Variants in STPG2 observed in about 807,000 individuals in gnomAD.
The protein encoded by STPG2 is sperm tail PG-rich repeat containing 2.
A neutral mutation model predicts 54.2 loss-of-function variants in STPG2; 56 were observed. That is an observed-to-expected ratio of 1.03 (90% CI 0.83 to 1.29). The LOEUF is 1.29. Ranked by LOEUF, STPG2 falls within the 50% of genes most tolerant of loss-of-function variation. STPG2 has a pLI of 0.00. For synonymous variants in STPG2, 200 were observed against 181.8 expected (o/e 1.10, Z -0.81); for missense variants, 596 against 544.9 (o/e 1.09, Z -0.93).
intron 8 of STPG2, among the ~76,000 whole-genome samples, chr4:97,919,624 A>G (rs560826094): frequency 5.9e-5 from 9 of 152,216 alleles, no homozygotes; most frequent in Middle Eastern, 3.4e-3. Context: ...TAGACAAAAG[A>G]AGAAATAGTT....
chr4:97,624,912 T>C (rs1278379558), intron 10 of STPG2, among the ~76,000 whole-genome samples: 1 of 152,148 alleles, frequency 6.6e-6, no homozygotes, highest in African/African-American at 2.4e-5. Context: ...GTCAGATTTG[T>C]CAAAGATCAG....
chr4:97,535,796 A>C (rs2148856604), intron 4 of STPG2, among the ~76,000 whole-genome samples: 1 of 152,134 alleles, frequency 6.6e-6, no homozygotes, highest in South Asian at 2.1e-4. Flanking sequence ...AGAAATTTTC[A>C]GTTTATTTAT....
intron 8 of STPG2, among the ~76,000 whole-genome samples, chr4:97,910,017 T>C (rs1731617951): frequency 6.6e-6 from 1 of 152,192 alleles, no homozygotes; most frequent in Admixed American, 6.5e-5. Flanking sequence ...TATGTAAATA[T>C]TCTGAAGTAA....
At chr4:97,846,590 AC>A (rs746771317) in intron 8 of STPG2, among the ~76,000 whole-genome samples, 22 of 141,238 alleles carry the variant, frequency 1.6e-4, no homozygotes, top group Non-Finnish European at 2.1e-4. Context: ...GTGCCACTGC[AC>A]TCCAGACTGG....
intron 4 of STPG2, among the ~76,000 whole-genome samples, chr4:97,521,094 T>C (rs189875459): frequency 3.9e-5 from 6 of 152,058 alleles, no homozygotes; most frequent in Non-Finnish European, 7.4e-5. Context: ...CTCCACTGTT[T>C]GTTACTATTG....
chr4:98,053,929 C>T (rs1056301152), intron 5 of STPG2, among the ~76,000 whole-genome samples: 1 of 151,948 alleles, frequency 6.6e-6, no homozygotes, highest in Non-Finnish European at 1.5e-5. Flanking sequence ...TTAAATTAGT[C>T]CTGAATTTTG....
At chr4:97,766,807 C>T (rs541517658) in intron 9 of STPG2, among the ~76,000 whole-genome samples, 3 of 152,076 alleles carry the variant, frequency 2.0e-5, no homozygotes, top group East Asian at 3.9e-4. Context: ...TGGCTGCCAG[C>T]ATCTGTTTCC....
intron 8 of STPG2, among the ~76,000 whole-genome samples, chr4:97,894,031 C>T (rs897510202): frequency 6.6e-6 from 1 of 151,804 alleles, no homozygotes; most frequent in Non-Finnish European, 1.5e-5. Context: ...AGTAGCTATT[C>T]AATTATATAG....
At chr4:98,039,921 C>T (rs188678715) in intron 5 of STPG2, among the ~76,000 whole-genome samples, 4 of 151,870 alleles carry the variant, frequency 2.6e-5, no homozygotes, top group Admixed American at 2.6e-4. Flanking sequence ...AAAGGCTGTA[C>T]TAATTTACAT....
rs189662451 is a variant in STPG2 at position 97,681,089 on chromosome 4, T to A, written c.1320+31610A>T. ...CATCTGCATTTCAATTCAAACTGCA[T>A]ATGTAGTAACACAGTGATTATTAAA... On this transcript the variant is annotated intron_variant, in intron 10 of 10. Coordinates refer to ENST00000295268, the MANE Select transcript of STPG2 (RefSeq NM_174952.3). Among the ~76,000 whole-genome samples the A allele has an allele frequency of 3.5e-3, 529 of 152,098 alleles. 1 individual carries two copies. Among genetic ancestry groups the A allele is most frequent in the Middle Eastern group, 6.8e-3 (2 of 294 alleles).
intron 4 of STPG2, among the ~76,000 whole-genome samples, chr4:97,461,156 T>G (rs1729651276): frequency 6.6e-6 from 1 of 152,226 alleles, no homozygotes; most frequent in Admixed American, 6.5e-5. Flanking sequence ...GGTCATAAAC[T>G]ATTTATACAT....
intron 5 of STPG2, among the ~76,000 whole-genome samples, chr4:98,052,778 C>A (rs1462429898): frequency 6.6e-6 from 1 of 152,130 alleles, no homozygotes; most frequent in Non-Finnish European, 1.5e-5. Context: ...AGGCATTGAA[C>A]CAATGACCCA....
chr4:97,705,071 C>T (rs1723897916), intron 10 of STPG2, among the ~76,000 whole-genome samples: 1 of 152,066 alleles, frequency 6.6e-6, no homozygotes, highest in African/African-American at 2.4e-5. Flanking sequence ...AAAATTAAAA[C>T]TGCATATTTT....
At chr4:97,541,611 A>G (rs1731707245) in intron 4 of STPG2, among the ~76,000 whole-genome samples, 1 of 152,204 alleles carries the variant, frequency 6.6e-6, no homozygotes, top group South Asian at 2.1e-4. Context: ...ACAGAATTGG[A>G]AAAACCTACT....
In STPG2 at chr4:98,134,375, G is replaced by A. The variant is rs780760537; in HGVS notation, c.194C>T (p.Pro65Leu). 5.7e-6 allele frequency: 9 copies of A among 1,578,510 alleles called. No homozygotes were observed. Among genetic ancestry groups the A allele is most frequent in the Non-Finnish European group, 7.8e-6 (9 of 1,159,810 alleles). Residue 65 changes from proline (P) to leucine (L), a missense_variant, in exon 2 of 11, where the codon CCA becomes CTA. Coordinates refer to ENST00000295268, the MANE Select transcript of STPG2 (RefSeq NM_174952.3). ...ASSIEKAVPG[P>L]GHYNVSEAQK... is the part of the protein sequence containing the mutation. ...TGCTTCTGAAACATTATAGTGTCCT[G>A]GACCTGGAACAGCTTTCTCAATGCT...
At chr4:97,897,364 C>T (rs1000743666) in intron 8 of STPG2, among the ~76,000 whole-genome samples, 1 of 152,122 alleles carries the variant, frequency 6.6e-6, no homozygotes, top group South Asian at 2.1e-4. Context: ...CTGCAATGAA[C>T]ATATGCATAC....
intron 5 of STPG2, among the ~76,000 whole-genome samples, chr4:98,013,790 T>C (rs1216081520): frequency 6.6e-6 from 1 of 151,822 alleles, no homozygotes; most frequent in Non-Finnish European, 1.5e-5. Flanking sequence ...TGATTGTTTG[T>C]ATTTCTGTGG....
chr4:97,475,951 A>C (rs1200026070), intron 4 of STPG2, among the ~76,000 whole-genome samples: 1 of 152,184 alleles, frequency 6.6e-6, no homozygotes, highest in Non-Finnish European at 1.5e-5. Flanking sequence ...TACCTAAAAA[A>C]AAAGTTAACT....
intron 5 of STPG2, chr4:98,026,035 C>G (rs1736408341): frequency 9.4e-7 from 1 of 1,059,738 alleles, no homozygotes; most frequent in African/African-American, 1.6e-5. Flanking sequence ...AAGATAATTA[C>G]AAGAAACAGT....
Sources: gnomAD v4.1 joint callset for allele counts (sites outside exome capture counted in the v4.1 genomes callset) on GRCh38, gnomAD v4.1.1 for gene constraint, MANE v1.5 for transcripts, NCBI Gene and HGNC (gene_info 2026-07-23, HGNC 2026-07-21) for gene names.